CDH13: variants seen among roughly 807,000 people sequenced by gnomAD.
CDH13 encodes the protein cadherin 13.
CDH13 carries 24 observed loss-of-function variants against 63.8 expected under a neutral mutation model. The ratio of observed to expected loss-of-function variants is 0.38; its 90% CI spans 0.27 to 0.53. The LOEUF is 0.53. CDH13 is among the 20% of genes least tolerant of loss of function. CDH13 has a pLI of 0.85. For missense variants in CDH13, 1,049 were observed against 903.1 expected (o/e 1.16, Z -2.07); for synonymous variants, 503 against 355.3 (o/e 1.42, Z -4.67).
At chr16:83,720,395 C>G (rs556236827) in intron 10 of CDH13, among the ~76,000 whole-genome samples, 5 of 152,260 alleles carry the variant, frequency 3.3e-5, no homozygotes, top group African/African-American at 9.6e-5. Context: ...CAATATTACA[C>G]CCAAGTCAGC....
At chr16:82,709,820 G>C (rs1193024006) in intron 1 of CDH13, among the ~76,000 whole-genome samples, 2 of 152,090 alleles carry the variant, frequency 1.3e-5, no homozygotes, top group Admixed American at 6.6e-5. Flanking sequence ...AACCAATAGG[G>C]AAGAAATCAT....
At chr16:83,059,621 G>C (rs1567790703) in intron 3 of CDH13, among the ~76,000 whole-genome samples, 1 of 152,072 alleles carries the variant, frequency 6.6e-6, no homozygotes, top group African/African-American at 2.4e-5. Context: ...GAGCCAGGCT[G>C]TTGCATGACA....
In CDH13 at chr16:83,226,925, T is replaced by C. The variant is rs531317731; in HGVS notation, c.636+9428T>C. 1.9e-3 allele frequency among the ~76,000 whole-genome samples: 282 copies of C among 152,304 alleles called. 1 individual carries two copies. Among genetic ancestry groups the C allele is most frequent in the Middle Eastern group, 6.8e-3 (2 of 294 alleles). Reference sequence around the variant, plus strand: ...CCTTCAGCTATCAGCATAAAGATATTTATTTTTATTTGGTAAAAATGAGAA... The same window carrying C: ...CCTTCAGCTATCAGCATAAAGATATCTATTTTTATTTGGTAAAAATGAGAA... On this transcript the variant is annotated intron_variant, in intron 5 of 13. Coordinates refer to ENST00000567109, the MANE Select transcript of CDH13 (RefSeq NM_001257.5).
intron 7 of CDH13, among the ~76,000 whole-genome samples, chr16:83,568,632 A>G (rs1904312841): frequency 1.3e-5 from 2 of 152,224 alleles, no homozygotes. Context: ...GGCACCAACA[A>G]TAAATGCCTC....
chr16:82,853,356 C>T (rs549099490), intron 1 of CDH13, among the ~76,000 whole-genome samples: 2 of 152,194 alleles, frequency 1.3e-5, no homozygotes, highest in Non-Finnish European at 2.9e-5. Context: ...TTGTCAATGT[C>T]TACCCTGGAG....
chr16:83,056,047 T>G (rs1260805107), intron 3 of CDH13, among the ~76,000 whole-genome samples: 1 of 152,150 alleles, frequency 6.6e-6, no homozygotes, highest in Non-Finnish European at 1.5e-5. Context: ...GAGGAAATAT[T>G]TAACAGGCTT....
At chr16:83,059,793 G>GTTTTTTTTT (rs66521965) in intron 3 of CDH13, among the ~76,000 whole-genome samples, 1 of 113,104 alleles carries the variant, frequency 8.8e-6, no homozygotes, top group Non-Finnish European at 1.8e-5. Flanking sequence ...TTTTTTGTTT[G>GTTTTTTTTT]TTTTTTTTTT....
intron 7 of CDH13, among the ~76,000 whole-genome samples, chr16:83,536,695 A>T (rs1296094129): frequency 4.6e-5 from 7 of 152,266 alleles, no homozygotes; most frequent in Admixed American, 2.6e-4. Context: ...TTAAGGGGAG[A>T]TGGAGAAGGA....
At chr16:83,113,046 C>G (rs1013804247) in intron 3 of CDH13, among the ~76,000 whole-genome samples, 2 of 152,172 alleles carry the variant, frequency 1.3e-5, no homozygotes. Context: ...TGAGCCAACA[C>G]CAGATTGACC....
intron 1 of CDH13, among the ~76,000 whole-genome samples, chr16:82,808,358 C>T (rs2037263431): frequency 6.6e-6 from 1 of 152,162 alleles, no homozygotes; most frequent in African/African-American, 2.4e-5. Context: ...TGTCTACTTT[C>T]TAGGGAATTA....
intron 3 of CDH13, among the ~76,000 whole-genome samples, chr16:83,069,545 T>C (rs1169092068): frequency 6.6e-6 from 1 of 152,124 alleles, no homozygotes; most frequent in Admixed American, 6.6e-5. Context: ...TAAGTCACCA[T>C]CCAAAGTCAC....
At position 83,050,353 on chromosome 16, in the gene CDH13, C is replaced by G. The variant is rs115385907; in HGVS notation, c.366+18135C>G. On this transcript the variant is annotated intron_variant, in intron 3 of 13. Coordinates refer to ENST00000567109, the MANE Select transcript of CDH13 (RefSeq NM_001257.5). ...TCATATGATAATTCTATATTCAACT[C>G]TTTGAGAAGTCACCCAACTGTCTTC... is the stretch of plus-strand genomic sequence containing the variant. Among the ~76,000 whole-genome samples the G allele has an allele frequency of 9.4e-3, 1,432 of 152,246 alleles. 24 individuals are homozygous for G. The highest frequency in any genetic ancestry group is 0.031 in the African/African-American group (1,307 of 41,542).
intron 3 of CDH13, among the ~76,000 whole-genome samples, chr16:83,101,224 T>A (rs1246497627): frequency 6.6e-6 from 1 of 150,702 alleles, no homozygotes; most frequent in Non-Finnish European, 1.5e-5. Flanking sequence ...TATACATACA[T>A]GCACATATAC....
chr16:83,044,715 G>A (rs779827871), intron 3 of CDH13, among the ~76,000 whole-genome samples: 3 of 152,206 alleles, frequency 2.0e-5, no homozygotes, highest in Non-Finnish European at 2.9e-5. Context: ...TTCTGAGTGA[G>A]GACAGTGAGA....
intron 2 of CDH13, among the ~76,000 whole-genome samples, chr16:83,027,150 C>T (rs1026154327): frequency 7.9e-6 from 1 of 126,358 alleles, no homozygotes; most frequent in Non-Finnish European, 1.6e-5. Context: ...ATTACTAAAT[C>T]ATCATTTTGC....
At chr16:83,159,629 C>T (rs1329415860) in intron 4 of CDH13, among the ~76,000 whole-genome samples, 1 of 152,178 alleles carries the variant, frequency 6.6e-6, no homozygotes, top group African/African-American at 2.4e-5. Flanking sequence ...AACGATATTT[C>T]CATTGTTGGG....
intron 1 of CDH13, among the ~76,000 whole-genome samples, chr16:82,661,824 A>G (rs1442074082): frequency 2.0e-5 from 3 of 152,270 alleles, no homozygotes; most frequent in African/African-American, 7.2e-5. Flanking sequence ...AGACTATGTA[A>G]TGGACACAAT....
At chr16:82,899,558 A>T (rs930007488) in intron 2 of CDH13, among the ~76,000 whole-genome samples, 2 of 152,190 alleles carry the variant, frequency 1.3e-5, no homozygotes, top group Admixed American at 1.3e-4. Flanking sequence ...ACTCAGAAAT[A>T]AATGAGGCAA....
At chr16:82,982,087 A>T (rs1333625277) in intron 2 of CDH13, among the ~76,000 whole-genome samples, 1 of 152,200 alleles carries the variant, frequency 6.6e-6, no homozygotes. Flanking sequence ...CTTATTAGCT[A>T]ATAAGTGTAT....
Sources: allele counts gnomAD v4.1 joint callset (sites outside exome capture counted in the v4.1 genomes callset), GRCh38; gene constraint gnomAD v4.1.1; transcripts MANE v1.5; gene names NCBI Gene and HGNC (gene_info 2026-07-23, HGNC 2026-07-21).